NXPE2: variants seen among roughly 807,000 people sequenced by gnomAD.
NXPE2 encodes neurexophilin and PC-esterase domain family member 2, also known as NXPE family member 2.
NXPE2 carries 34 observed loss-of-function variants against 34.4 expected under a neutral mutation model. The observed-to-expected ratio is 0.99, with a 90% CI of 0.75 to 1.31. NXPE2 has a LOEUF of 1.31. Ranked by LOEUF, NXPE2 falls within the 40% of genes most tolerant of loss-of-function variation. The pLI is 0.00. For missense variants in NXPE2, 649 were observed against 672.5 expected, an observed-to-expected ratio of 0.97 and a Z score of 0.39; for synonymous variants, 235 against 231.3, an observed-to-expected ratio of 1.02 and a Z score of -0.15.
the NXPE2 span, among the ~76,000 whole-genome samples, chr11:114,597,819 C>T: frequency 6.6e-6 from 1 of 152,082 alleles, no homozygotes; most frequent in Non-Finnish European, 1.5e-5. Context: ...CAATTTGAGC[C>T]ACAAAATAAA....
the NXPE2 span, among the ~76,000 whole-genome samples, chr11:114,806,286 G>T: frequency 2.6e-5 from 4 of 151,944 alleles, no homozygotes; most frequent in Non-Finnish European, 2.9e-5. Flanking sequence ...AAATCAGAGC[G>T]CCTCTCCTCC....
In NXPE2 at chr11:114,706,866, A is replaced by G. The variant is rs549930249; in HGVS notation, c.1616A>G (p.Asn539Ser). 9.7e-6 allele frequency: 15 copies of G among 1,551,902 alleles called. No homozygotes were observed. In the Admixed American group the frequency reaches 1.4e-4, roughly 14 times the overall value. ...ATGACGATTGCATATTGCACCAACA[A>G]TGCCCATCCACCGGATTATGTGATT... ...WDMTIAYCTN[N>S]AHPPDYVIQN... Residue 539 changes from asparagine (N) to serine (S), a missense_variant, in exon 6 of 6, where the codon AAT becomes AGT. By Grantham distance (46) the Asn-to-Ser change is conservative. Transcript: ENST00000389586.
chr11:114,582,924 A>G, the NXPE2 span: 107 of 1,613,976 alleles, frequency 6.6e-5, no homozygotes, highest in Non-Finnish European at 8.9e-5. Flanking sequence ...AGTCTCTGTT[A>G]GTGGCTTTAA....
chr11:114,652,571 C>T, the NXPE2 span, among the ~76,000 whole-genome samples: 1 of 152,194 alleles, frequency 6.6e-6, no homozygotes, highest in South Asian at 2.1e-4. Flanking sequence ...AAATGCTTAA[C>T]ACAGTGAGTG....
intron 2 of NXPE2, among the ~76,000 whole-genome samples, chr11:114,680,257 T>A (rs750931285): frequency 1.3e-5 from 2 of 152,182 alleles, no homozygotes; most frequent in Non-Finnish European, 2.9e-5. Flanking sequence ...TCTGCTTTTA[T>A]CATCTTCTGG....
At chr11:114,564,041 A>G in the NXPE2 span, among the ~76,000 whole-genome samples, 1 of 152,204 alleles carries the variant, frequency 6.6e-6, no homozygotes, top group African/African-American at 2.4e-5. Flanking sequence ...TTGCAAAAAT[A>G]TGGAACCAGC....
chr11:114,616,215 GATA>G, the NXPE2 span, among the ~76,000 whole-genome samples: 1 of 151,442 alleles, frequency 6.6e-6, no homozygotes, highest in African/African-American at 2.4e-5. Flanking sequence ...TTACCTGGTG[GATA>G]ATAAGTATTG....
the NXPE2 span, among the ~76,000 whole-genome samples, chr11:114,559,299 C>T: frequency 6.6e-5 from 10 of 152,208 alleles, no homozygotes; most frequent in African/African-American, 2.4e-4. Flanking sequence ...CTACAGGAAA[C>T]TTTCCAGCAT....
chr11:114,709,368 A>G (rs943465854), downstream of NXPE2, among the ~76,000 whole-genome samples: 1 of 152,216 alleles, frequency 6.6e-6, no homozygotes, highest in African/African-American at 2.4e-5. Flanking sequence ...AATGTTGGTA[A>G]GTGTCAAGTC....
the NXPE2 span, among the ~76,000 whole-genome samples, chr11:114,577,101 TTA>T: frequency 3.7e-5 from 5 of 135,040 alleles, no homozygotes; most frequent in African/African-American, 1.4e-4. Flanking sequence ...ATATATAAAG[TTA>T]TATATATACA....
the NXPE2 span, among the ~76,000 whole-genome samples, chr11:114,630,900 GC>G: frequency 4.2e-4 from 64 of 151,826 alleles, 3 homozygotes; most frequent in East Asian, 9.3e-3. Flanking sequence ...AGACATTTAT[GC>G]AGCCAAAAAA....
At chr11:114,771,980 C>A in the NXPE2 span, among the ~76,000 whole-genome samples, 7 of 152,216 alleles carry the variant, frequency 4.6e-5, no homozygotes, top group Non-Finnish European at 1.0e-4. Context: ...GACACTTGGT[C>A]CTTGTGAGGG....
chr11:114,570,081 C>T, the NXPE2 span, among the ~76,000 whole-genome samples: 1 of 152,294 alleles, frequency 6.6e-6, no homozygotes, highest in African/African-American at 2.4e-5. Context: ...TTCTGTAACT[C>T]GCTTCCTGCC....
At chr11:114,623,499 C>T in the NXPE2 span, among the ~76,000 whole-genome samples, 2 of 151,894 alleles carry the variant, frequency 1.3e-5, no homozygotes, top group African/African-American at 4.8e-5. Flanking sequence ...CACTGTTACC[C>T]AGTGGATAAT....
the NXPE2 span, among the ~76,000 whole-genome samples, chr11:114,484,625 A>G: frequency 1.3e-5 from 2 of 152,204 alleles, no homozygotes. Context: ...TAAAAAACAA[A>G]CCAAGTTAGC....
chr11:114,570,847 G>A, the NXPE2 span: 1 of 850,840 alleles, frequency 1.2e-6, no homozygotes, highest in Non-Finnish European at 1.8e-6. Context: ...TGCTAGTTGG[G>A]AATTCAGAGC....
intron 2 of NXPE2, among the ~76,000 whole-genome samples, chr11:114,687,661 G>A (rs2135543043): frequency 6.6e-6 from 1 of 152,032 alleles, no homozygotes; most frequent in East Asian, 1.9e-4. Context: ...ACTGATGTTG[G>A]AATAGCATTG....
At chr11:114,619,263 A>G in the NXPE2 span, among the ~76,000 whole-genome samples, 110 of 145,422 alleles carry the variant, frequency 7.6e-4, no homozygotes, top group African/African-American at 2.0e-3. Flanking sequence ...TGAGTAATCA[A>G]TGGTACCTGG....
chr11:114,639,163 G>C, the NXPE2 span, among the ~76,000 whole-genome samples: 1 of 152,032 alleles, frequency 6.6e-6, no homozygotes, highest in Non-Finnish European at 1.5e-5. Flanking sequence ...AAGCAAGCCT[G>C]GGCAATGGTG....
Sources: gnomAD v4.1 joint callset for allele counts (sites outside exome capture counted in the v4.1 genomes callset) on GRCh38, gnomAD v4.1.1 for gene constraint, MANE v1.5 for transcripts, NCBI Gene and HGNC (gene_info 2026-07-23, HGNC 2026-07-21) for gene names.